Variants in CAPG observed in about 807,000 individuals in gnomAD.
CAPG encodes the protein macrophage-capping protein.
Under a neutral mutation model 44.6 loss-of-function variants are expected in CAPG, and 32 were observed. The ratio of observed to expected loss-of-function variants is 0.72; its 90% CI spans 0.54 to 0.96. CAPG has a LOEUF of 0.96. Ranked by LOEUF, CAPG falls within the 50% of genes least tolerant of loss-of-function variation. The pLI, the probability that CAPG is intolerant of heterozygous loss-of-function variation, is 0.00. For synonymous variants in CAPG, 175 were observed against 179.6 expected, an observed-to-expected ratio of 0.97 and a Z score of 0.20; for missense variants, 412 against 438.3, an observed-to-expected ratio of 0.94 and a Z score of 0.54.
chr2:85,392,042 C>G (rs1686392568), downstream of CAPG, among the ~76,000 whole-genome samples: 1 of 152,226 alleles, frequency 6.6e-6, no homozygotes, highest in Non-Finnish European at 1.5e-5. Context: ...GCATCCACAC[C>G]ACGTTTTTCC....
chr2:85,407,677 C>CA (rs921032512), intron 1 of CAPG, among the ~76,000 whole-genome samples: 3 of 140,026 alleles, frequency 2.1e-5, no homozygotes, highest in Admixed American at 1.5e-4. Context: ...CACACCACTG[C>CA]ACTCCAGCCT....
upstream of CAPG, among the ~76,000 whole-genome samples, chr2:85,413,547 T>G (rs1687477999): frequency 6.6e-6 from 1 of 152,050 alleles, no homozygotes; most frequent in Non-Finnish European, 1.5e-5. Flanking sequence ...GCCACTGCAC[T>G]CCAGCCTGGG....
chr2:85,409,975 G>A (rs1276067159), intron 1 of CAPG: 1 of 152,390 alleles, frequency 6.6e-6, no homozygotes, highest in Non-Finnish European at 1.5e-5. Flanking sequence ...GGGCCTTCAG[G>A]AGCAGTGTGG....
chr2:85,403,967 C>T (rs1157455989), intron 1 of CAPG, among the ~76,000 whole-genome samples: 1 of 149,844 alleles, frequency 6.7e-6, no homozygotes, highest in African/African-American at 2.5e-5. Flanking sequence ...ACCATGATGA[C>T]CAAATGAGGT....
chr2:85,398,196 G>C lies in CAPG; in HGVS notation c.760-44C>G, dbSNP rs773962127. ...GCCTGATCTCACCCCCCACACACCAGCCCTCACCTCAGCCTGAGGAGGGGG... is the reference window on the plus strand; with the variant it reads ...GCCTGATCTCACCCCCCACACACCACCCCTCACCTCAGCCTGAGGAGGGGG... On this transcript the variant is annotated intron_variant, in intron 7 of 9. Coordinates refer to ENST00000263867, the MANE Select transcript of CAPG (RefSeq NM_001747.4). 19 of 1,599,910 alleles carry C rather than the reference G, an allele frequency of 1.2e-5. No homozygotes were observed. The South Asian group carries it at 1.9e-4, about 16-fold the overall frequency.
downstream of CAPG, among the ~76,000 whole-genome samples, chr2:85,393,538 T>C (rs759679569): frequency 3.3e-5 from 5 of 152,000 alleles, no homozygotes; most frequent in Non-Finnish European, 7.4e-5. Context: ...GGAGAAGACA[T>C]GGAGGCAGAT....
chr2:85,400,731 C>CCA (rs1282608676), intron 5 of CAPG, among the ~76,000 whole-genome samples: 1 of 152,180 alleles, frequency 6.6e-6, no homozygotes, highest in Non-Finnish European at 1.5e-5. Flanking sequence ...CAAGACCCCC[C>CCA]CAGCACATGG....
At position 85,404,263 on chromosome 2, in the gene CAPG, G is replaced by A. The variant is rs180810492; in HGVS notation, c.-13-2105C>T. On this transcript the variant is annotated intron_variant, in intron 1 of 9. Coordinates refer to ENST00000263867, the MANE Select transcript of CAPG (RefSeq NM_001747.4). ...AAATTTAAAATAAATAAATAAAGCC[G>A]CTCACAACGCAAAAAAAAAAAAAAC... Among the ~76,000 whole-genome samples the A allele has an allele frequency of 3.2e-4, 45 of 140,122 alleles. No homozygotes were observed. The East Asian group carries it at 8.3e-3, about 26-fold the overall frequency. 91.9% of individuals were successfully genotyped at this position (140,122 alleles called of 152,430 possible). A position where few individuals can be genotyped will look rare whatever the true frequency, so the allele number is the denominator to read the frequency against.
chr2:85,401,619 C>T lies in CAPG; in HGVS notation c.261G>A (p.Leu87=), dbSNP rs758551430. The T allele has an allele frequency of 1.2e-6, 2 of 1,614,130 alleles. No individual in the cohort carries two copies. The highest frequency in any genetic ancestry group is 1.7e-6 in the Non-Finnish European group (2 of 1,179,966). ...GGTGCTGCACAGGCCGCTCTCCCAG[C>T]AGCGTGTTGAGGTGCACAGCCAGCA... ...CAVLAVHLNT[L]LGERPVQHRE... The change falls in exon 4 of 10, where the codon CTG becomes CTA. Residue 87 remains leucine, a synonymous_variant. Transcript: ENST00000263867.
At chr2:85,396,537 C>T (rs1374129611) in intron 8 of CAPG, among the ~76,000 whole-genome samples, 2 of 152,194 alleles carry the variant, frequency 1.3e-5, no homozygotes, top group African/African-American at 4.8e-5. Flanking sequence ...CCTCTGTCAA[C>T]TGACCAGCTG....
At chr2:85,419,359 T>A (rs1687662958), upstream of CAPG, 1 of 152,316 alleles carries the variant, frequency 6.6e-6, no homozygotes, top group Non-Finnish European at 1.5e-5. Context: ...TTGTCCTAAC[T>A]TCCCAGGTTG....
intron 1 of CAPG, among the ~76,000 whole-genome samples, chr2:85,404,178 T>C (rs1573184519): frequency 6.6e-6 from 1 of 151,736 alleles, no homozygotes; most frequent in Admixed American, 6.6e-5. Context: ...ACATTGCATA[T>C]GTACAATGAA....
downstream of CAPG, among the ~76,000 whole-genome samples, chr2:85,392,465 A>G (rs1288116163): frequency 6.6e-6 from 1 of 151,428 alleles, no homozygotes; most frequent in Non-Finnish European, 1.5e-5. Context: ...GAGCCCCACT[A>G]TGCTACCTTC....
At chr2:85,393,714 G>A (rs781018924), downstream of CAPG, among the ~76,000 whole-genome samples, 42 of 152,060 alleles carry the variant, frequency 2.8e-4, no homozygotes, top group Non-Finnish European at 3.7e-4. Context: ...ACAGGCATGC[G>A]CAACCATGCC....
At chr2:85,405,708 T>C (rs569435375) in intron 1 of CAPG, among the ~76,000 whole-genome samples, 9 of 152,182 alleles carry the variant, frequency 5.9e-5, no homozygotes, top group Non-Finnish European at 1.2e-4. Context: ...GGAAGGCATA[T>C]TTTGGCACCA....
rs1262374146 is a variant in CAPG at position 85,395,579 on chromosome 2, C to T, written c.940G>A (p.Glu314Lys). The T allele has an allele frequency of 3.7e-6, 6 of 1,613,794 alleles. No homozygotes were observed. Among genetic ancestry groups the T allele is most frequent in the East Asian group, 4.5e-5 (2 of 44,850 alleles). The change falls in exon 9 of 10, where the codon GAG becomes AAG. Residue 314 changes from glutamate to lysine, a missense_variant. Transcript: ENST00000263867. The surrounding 1 kb of genome is among the most constrained non-coding windows in gnomAD (Gnocchi z 4.3). ...TACTGCATGCGCGAGATGAAGCCCT[C>T]GGCCACCTGCAGGGCTGCCTGCCGC... ...KERQAALQVA[E>K]GFISRMQYAP...
At chr2:85,392,442 G>T (rs578190997), downstream of CAPG, among the ~76,000 whole-genome samples, 182 of 122,926 alleles carry the variant, frequency 1.5e-3, no homozygotes, top group Non-Finnish European at 2.5e-3. Flanking sequence ...GCTGGGGAGT[G>T]GGGGGCAGGT....
Position 85,395,530 on chromosome 2 carries a change from C to T in CAPG, c.981+8G>A. On this transcript the variant is annotated splice_region_variant and intron_variant, in intron 9 of 9. Transcript: ENST00000263867. The surrounding 1 kb of genome is among the most constrained non-coding windows in gnomAD (Gnocchi z 4.3). ...GGAAGAGGGCTGTGGTTGTGCGCAT[C>T]TCCTCACCTGAGTGTTCGGGGCGTA... 2 of 1,611,690 alleles carry T rather than the reference C, an allele frequency of 1.2e-6. No individual in the cohort carries two copies. The highest frequency in any genetic ancestry group is 2.2e-5 in the South Asian group (2 of 90,842).
At chr2:85,398,443 T>G in intron 7 of CAPG, 1 of 589,136 alleles carries the variant, frequency 1.7e-6, no homozygotes, top group East Asian at 2.8e-5. Context: ...AAGCTCAGCA[T>G]TGGCTTCAAG....
Sources: allele counts gnomAD v4.1 joint callset (sites outside exome capture counted in the v4.1 genomes callset), GRCh38; gene constraint gnomAD v4.1.1; non-coding constraint Gnocchi (gnomAD v3.1); transcripts MANE v1.5; gene names NCBI Gene and HGNC (gene_info 2026-07-23, HGNC 2026-07-21).